The following ZFP69 variants were observed in gnomAD, a reference collection of about 807,000 sequenced individuals.
ZFP69 encodes the protein ZFP69 zinc finger protein.
Under a neutral mutation model 48.9 loss-of-function variants are expected in ZFP69, and 35 were observed. The observed-to-expected ratio is 0.72, with a 90% CI of 0.55 to 0.95. ZFP69 has a LOEUF of 0.95. Among genes scored for constraint, ZFP69 ranks in the 40% least tolerant of loss-of-function variants. The pLI is 0.00. For synonymous variants in ZFP69, 193 were observed against 216.8 expected (o/e 0.89, Z 0.96); for missense variants, 557 against 638.4 (o/e 0.87, Z 1.37).
intron 5 of ZFP69, among the ~76,000 whole-genome samples, chr1:40,490,548 C>A (rs1645557419): frequency 6.6e-6 from 1 of 152,158 alleles, no homozygotes; most frequent in South Asian, 2.1e-4. Context: ...TAAGGTTGAG[C>A]TGGATTTTCC....
chr1:40,491,612 A>G (rs1232914266), intron 5 of ZFP69, among the ~76,000 whole-genome samples: 1 of 152,142 alleles, frequency 6.6e-6, no homozygotes, highest in African/African-American at 2.4e-5. Flanking sequence ...GAAAGGAAGT[A>G]TATTTCTCAT....
At chr1:40,483,227 T>A (rs1308977266) in intron 3 of ZFP69, among the ~76,000 whole-genome samples, 2 of 86,926 alleles carry the variant, frequency 2.3e-5, no homozygotes, top group African/African-American at 6.3e-5. Context: ...CCTTTTTTAA[T>A]TTTTTTTTTT....
chr1:40,478,104 T>C (rs1309318998), intron 1 of ZFP69, among the ~76,000 whole-genome samples: 1 of 144,970 alleles, frequency 6.9e-6, no homozygotes, highest in Non-Finnish European at 1.5e-5. Flanking sequence ...CACACGCAGC[T>C]CCTGTCTCTG....
At chr1:40,485,138 C>A (rs983605818) in intron 3 of ZFP69, among the ~76,000 whole-genome samples, 1 of 151,800 alleles carries the variant, frequency 6.6e-6, no homozygotes. Context: ...GGTGATCCAC[C>A]CACCTTGGCC....
intron 5 of ZFP69, 104 bp downstream of exon 5, chr1:40,489,728 G>A (rs1441413836): frequency 2.5e-6 from 2 of 815,132 alleles, no homozygotes; most frequent in East Asian, 2.7e-5. Context: ...GATTCTGCAG[G>A]CTGTACAGGA....
At chr1:40,482,147 C>A (rs1411937747) in intron 3 of ZFP69, among the ~76,000 whole-genome samples, 1 of 151,318 alleles carries the variant, frequency 6.6e-6, no homozygotes, top group African/African-American at 2.4e-5. Flanking sequence ...TAATTCTAGC[C>A]CCTAAAAACC....
intron 3 of ZFP69, among the ~76,000 whole-genome samples, chr1:40,484,685 A>G (rs191628652): frequency 4.7e-5 from 7 of 149,980 alleles, no homozygotes; most frequent in African/African-American, 1.7e-4. Context: ...GGTTCAAGCA[A>G]TTCTGCCTTA....
At chr1:40,491,701 C>T (rs963985594) in intron 5 of ZFP69, among the ~76,000 whole-genome samples, 3 of 151,180 alleles carry the variant, frequency 2.0e-5, no homozygotes, top group African/African-American at 7.3e-5. Flanking sequence ...TGTTTATATC[C>T]CTTGCCAATG....
chr1:40,479,463 T>C lies in ZFP69; in HGVS notation c.102T>C (p.Asp34=), dbSNP rs751624596. 4 of 1,613,646 alleles carry C rather than the reference T, an allele frequency of 2.5e-6. No individual in the cohort carries two copies. Among genetic ancestry groups the C allele is most frequent in the Non-Finnish European group, 3.4e-6 (4 of 1,179,772 alleles). ...KAVEGAPLWE[D]VTKMFEGEAL... ...TGGAGGGGGCGCCCCTGTGGGAGGA[T>C]GTGACTAAAATGTTTGAAGGAGAAG... The change falls in exon 2 of 6, where the codon GAT becomes GAC. Residue 34 remains aspartate (D), a synonymous_variant. Transcript: ENST00000372706.
At chr1:40,481,652 C>G in intron 2 of ZFP69, 111 bp from the exon 3 acceptor site, 1 of 786,088 alleles carries the variant, frequency 1.3e-6, no homozygotes, top group Non-Finnish European at 2.0e-6. Context: ...CTCAGTGTCC[C>G]TCTTTGTGAA....
intron 2 of ZFP69, 86 bp from the exon 3 acceptor site, chr1:40,481,677 G>T: frequency 9.9e-7 from 1 of 1,012,616 alleles, no homozygotes; most frequent in South Asian, 1.8e-5. Context: ...TTTGGGGGAG[G>T]AGCCACATTG....
In ZFP69 at chr1:40,486,738, A is replaced by G. The variant is rs544017831; in HGVS notation, c.220-2350A>G. Among the ~76,000 whole-genome samples, 4 of 151,738 alleles carry G rather than the reference A, an allele frequency of 2.6e-5. No individual in the cohort carries two copies. The South Asian group carries it at 8.3e-4, about 32-fold the overall frequency. On this transcript the variant is annotated intron_variant, in intron 3 of 5. Transcript: ENST00000372706. ...CACCTAGCCCTGAGATTCTAATTAC[A>G]TGTATAATAGACCACTTGATATTAT... is the stretch of plus-strand genomic sequence containing the variant.
In ZFP69 at chr1:40,477,303, G is replaced by C. The variant is rs903181521; in HGVS notation, c.-918G>C. 3 of 152,140 alleles carry C rather than the reference G, an allele frequency of 2.0e-5. No individual in the cohort carries two copies. Among genetic ancestry groups the C allele is most frequent in the Non-Finnish European group, 4.4e-5 (3 of 68,004 alleles). The allele number at this position is 152,140 out of a possible 1,614,324, so 9.4% of individuals were successfully genotyped here. ...GGCCGGGGCTCACAACCCGCCGGAAGACGCGCGGGTTGTGGCAGCTGCAGC... is the reference window on the plus strand; with the variant it reads ...GGCCGGGGCTCACAACCCGCCGGAACACGCGCGGGTTGTGGCAGCTGCAGC... On this transcript the variant is annotated 5_prime_UTR_variant, in exon 1 of 6. Transcript: ENST00000372706. This position sits in a 1 kb window ranked among gnomAD's most constrained non-coding sequence, Gnocchi z 4.0.
chr1:40,489,459 T>C, intron 4 of ZFP69, 70 bp from the exon 5 acceptor site: 1 of 1,420,008 alleles, frequency 7.0e-7, no homozygotes, highest in South Asian at 1.2e-5. Context: ...ACCAGAAGAC[T>C]CAAAATTCTG....
In ZFP69 at chr1:40,488,628, C is replaced by G. The variant is rs1645530347; in HGVS notation, c.220-460C>G. Among the ~76,000 whole-genome samples, 5 of 152,316 alleles carry G rather than the reference C, an allele frequency of 3.3e-5. 1 individual carries two copies. The Middle Eastern group carries it at 0.014, about 414-fold the overall frequency. Reference sequence around the variant, plus strand: ...GCTGTTCACTTTCCTGTTCCTCAAGCCAAGGACACTGTCACCTTAGGTCCT... The same window carrying G: ...GCTGTTCACTTTCCTGTTCCTCAAGGCAAGGACACTGTCACCTTAGGTCCT... On this transcript the variant is annotated intron_variant, in intron 3 of 5. Coordinates refer to ENST00000372706, the MANE Select transcript of ZFP69 (RefSeq NM_001320179.2).
At chr1:40,485,532 CAT>C (rs922155058) in intron 3 of ZFP69, among the ~76,000 whole-genome samples, 7 of 152,112 alleles carry the variant, frequency 4.6e-5, no homozygotes, top group African/African-American at 1.7e-4. Context: ...TGGAAAAAAA[CAT>C]GTCTTTCTTA....
At chr1:40,478,309 T>C (rs1458166858) in intron 1 of ZFP69, among the ~76,000 whole-genome samples, 1 of 152,120 alleles carries the variant, frequency 6.6e-6, no homozygotes, top group Non-Finnish European at 1.5e-5. Context: ...AGATGATGGA[T>C]TTGAGTTGTT....
Position 40,495,864 on chromosome 1 carries a change from A to G in ZFP69, c.1386A>G (p.Thr462=). ...IHLSNHKTVH[T]GVKAYECNRC... ...TTAGCAACCATAAAACTGTTCATAC[A>G]GGAGTGAAAGCATATGAATGCAACC... Residue 462 remains threonine (T), a synonymous_variant, in exon 6 of 6, where the codon ACA becomes ACG. Coordinates refer to ENST00000372706, the MANE Select transcript of ZFP69 (RefSeq NM_001320179.2). 6.2e-7 allele frequency: 1 copy of G among 1,614,190 alleles called. No homozygotes were observed. Among genetic ancestry groups the G allele is most frequent in the Non-Finnish European group, 8.5e-7 (1 of 1,180,026 alleles).
intron 2 of ZFP69, 144 bp downstream of exon 2, chr1:40,479,632 T>A: frequency 1.7e-6 from 2 of 1,153,266 alleles, no homozygotes; most frequent in Non-Finnish European, 2.3e-6. Flanking sequence ...GGGACAGCTG[T>A]GAGGGAAAAT....
Sources: allele counts gnomAD v4.1 joint callset (sites outside exome capture counted in the v4.1 genomes callset), GRCh38; gene constraint gnomAD v4.1.1; non-coding constraint Gnocchi (gnomAD v3.1); transcripts MANE v1.5; gene names NCBI Gene and HGNC (gene_info 2026-07-23, HGNC 2026-07-21).